Variants in ST3GAL6 observed in about 807,000 individuals in gnomAD.
ST3GAL6 encodes ST3 beta-galactoside alpha-2,3-sialyltransferase 6.
Under a neutral mutation model 40.5 loss-of-function variants are expected in ST3GAL6, and 31 were observed. That is an observed-to-expected ratio of 0.77 (90% CI 0.58 to 1.03). The LOEUF (loss-of-function observed/expected upper bound fraction) is 1.03. Ranked by LOEUF, ST3GAL6 falls within the 50% of genes least tolerant of loss-of-function variation. The pLI, the probability that ST3GAL6 is intolerant of heterozygous loss-of-function variation, is 0.00. For missense variants in ST3GAL6, 357 were observed against 393.2 expected, an observed-to-expected ratio of 0.91 and a Z score of 0.78; for synonymous variants, 129 against 136.9, an observed-to-expected ratio of 0.94 and a Z score of 0.40.
intron 5 of ST3GAL6, among the ~76,000 whole-genome samples, chr3:98,780,434 G>C (rs1200991053): frequency 6.6e-6 from 1 of 152,090 alleles, no homozygotes; most frequent in Admixed American, 6.6e-5. Context: ...TATAGTAAAG[G>C]CCCTTCTCTC....
upstream of ST3GAL6, among the ~76,000 whole-genome samples, chr3:98,761,630 G>A (rs1335038501): frequency 6.7e-6 from 1 of 149,636 alleles, no homozygotes; most frequent in Non-Finnish European, 1.5e-5. Flanking sequence ...AAAAAAAGTA[G>A]CCACAGTCAT....
intron 1 of ST3GAL6, chr3:98,733,252 C>G: frequency 7.1e-6 from 7 of 982,034 alleles, no homozygotes; most frequent in Non-Finnish European, 8.5e-6. Context: ...CAGCCACCGC[C>G]GAGAGGGCAC....
At chr3:98,735,862 C>G (rs1484935081) in intron 1 of ST3GAL6, among the ~76,000 whole-genome samples, 1 of 152,206 alleles carries the variant, frequency 6.6e-6, no homozygotes, top group African/African-American at 2.4e-5. Flanking sequence ...GTCAGAAACA[C>G]AATTCCCTCA....
intron 1 of ST3GAL6, among the ~76,000 whole-genome samples, chr3:98,750,066 A>ATT (rs35302662): frequency 6.6e-6 from 1 of 151,824 alleles, no homozygotes; most frequent in African/African-American, 2.4e-5. Flanking sequence ...GAGACACATG[A>ATT]TTTTTTTTTA....
rs564050580 is a variant in ST3GAL6 at position 98,783,696 on chromosome 3, G to A, written c.336-1249G>A. ...GCACACACTGAAGGAGCATCTGCTG[G>A]ACAGCCCTCCCCGCCCCCAAGTCCT... On this transcript the variant is annotated intron_variant, in intron 5 of 9. Transcript: ENST00000483910. 1.7e-4 allele frequency: 165 copies of A among 985,428 alleles called. No individual in the cohort carries two copies. The Middle Eastern group carries it at 2.6e-3, about 16-fold the overall frequency. The allele number at this position is 985,428 out of a possible 1,614,324, so 61.0% of individuals were successfully genotyped here.
intron 1 of ST3GAL6, among the ~76,000 whole-genome samples, chr3:98,766,712 C>T (rs1031919373): frequency 2.0e-5 from 3 of 152,142 alleles, no homozygotes; most frequent in African/African-American, 7.2e-5. Flanking sequence ...TGAGCCACTG[C>T]GCCCAGCCAA....
In ST3GAL6 at chr3:98,772,804, T is replaced by A. The variant is rs1939136482; in HGVS notation, c.168-9T>A. 1.2e-6 allele frequency: 2 copies of A among 1,604,972 alleles called. No individual in the cohort carries two copies. Among genetic ancestry groups the A allele is most frequent in the Non-Finnish European group, 1.7e-6 (2 of 1,172,432 alleles). On this transcript the variant is annotated splice_polypyrimidine_tract_variant and intron_variant, in intron 3 of 9. Transcript: ENST00000483910. ...TTTGGCAAAATCATTCTTTATCCTT[T>A]CCTTCCAGGTTTCATCAGTTTCACC...
intron 1 of ST3GAL6, among the ~76,000 whole-genome samples, chr3:98,733,179 T>C (rs1056888237): frequency 3.4e-4 from 52 of 151,650 alleles, no homozygotes; most frequent in African/African-American, 1.1e-3. Context: ...ACCAAGGAGG[T>C]GGCGTGCGGA....
chr3:98,780,585 A>C (rs79833974), intron 5 of ST3GAL6, among the ~76,000 whole-genome samples: 1 of 73,772 alleles, frequency 1.4e-5, no homozygotes, highest in Non-Finnish European at 3.5e-5. Context: ...CCTGTTTTTT[A>C]AAAGTCCTTG....
intron 2 of ST3GAL6, among the ~76,000 whole-genome samples, chr3:98,769,583 A>G (rs1200291003): frequency 2.0e-5 from 3 of 150,968 alleles, no homozygotes; most frequent in Non-Finnish European, 2.9e-5. Flanking sequence ...AGGGAAAATG[A>G]TAAAGAAGGT....
chr3:98,769,742 A>G (rs970885183), intron 2 of ST3GAL6, among the ~76,000 whole-genome samples: 1 of 152,252 alleles, frequency 6.6e-6, no homozygotes, highest in Admixed American at 6.5e-5. Flanking sequence ...TTCCTTAAAA[A>G]TGATTTAAGA....
chr3:98,770,069 T>C (rs2107182063), intron 2 of ST3GAL6, among the ~76,000 whole-genome samples: 1 of 152,332 alleles, frequency 6.6e-6, no homozygotes, highest in African/African-American at 2.4e-5. Flanking sequence ...TGGAAAATTG[T>C]GTCTGTCCAT....
At chr3:98,787,319 G>C (rs754181311) in intron 6 of ST3GAL6, among the ~76,000 whole-genome samples, 1 of 152,128 alleles carries the variant, frequency 6.6e-6, no homozygotes, top group African/African-American at 2.4e-5. Context: ...CTTATATTAC[G>C]TAGAGTCAGT....
chr3:98,733,167 G>C (rs1935193003), intron 1 of ST3GAL6, among the ~76,000 whole-genome samples: 1 of 152,212 alleles, frequency 6.6e-6, no homozygotes, highest in African/African-American at 2.4e-5. Flanking sequence ...TATCCTGCCA[G>C]CACCAAGGAG....
chr3:98,780,521 C>T (rs1305404272), intron 5 of ST3GAL6, among the ~76,000 whole-genome samples: 1 of 152,150 alleles, frequency 6.6e-6, no homozygotes, highest in Non-Finnish European at 1.5e-5. Context: ...CGTAGAGCTG[C>T]AAAGAATCTT....
chr3:98,747,312 G>T (rs1266912537), intron 1 of ST3GAL6, among the ~76,000 whole-genome samples: 1 of 152,134 alleles, frequency 6.6e-6, no homozygotes, highest in East Asian at 1.9e-4. Context: ...ACATAAACTG[G>T]AAATCTTTTT....
intron 6 of ST3GAL6, among the ~76,000 whole-genome samples, chr3:98,786,501 A>G (rs558622228): frequency 6.6e-6 from 1 of 152,260 alleles, no homozygotes; most frequent in South Asian, 2.1e-4. Flanking sequence ...CACTCCCAAT[A>G]AAAGCAGGCT....
intron 1 of ST3GAL6, among the ~76,000 whole-genome samples, chr3:98,748,755 C>T (rs529348513): frequency 3.1e-4 from 47 of 152,308 alleles, no homozygotes; most frequent in African/African-American, 9.9e-4. Context: ...TGTGAGCCAC[C>T]GCGCCTGGCC....
At chr3:98,781,006 T>C (rs1181175745) in intron 5 of ST3GAL6, among the ~76,000 whole-genome samples, 1 of 152,236 alleles carries the variant, frequency 6.6e-6, no homozygotes, top group Non-Finnish European at 1.5e-5. Flanking sequence ...TTATACTATA[T>C]AGACTTTATA....
Sources: gnomAD v4.1 joint callset for allele counts (sites outside exome capture counted in the v4.1 genomes callset) on GRCh38, gnomAD v4.1.1 for gene constraint, MANE v1.5 for transcripts, NCBI Gene and HGNC (gene_info 2026-07-23, HGNC 2026-07-21) for gene names.